The following KIF15 variants were observed in gnomAD, a reference collection of about 807,000 sequenced individuals.
KIF15 encodes kinesin-like protein KIF15.
Under a neutral mutation model 190.6 loss-of-function variants are expected in KIF15, and 140 were observed. That is an observed-to-expected ratio of 0.73 (90% CI 0.64 to 0.84). The LOEUF (loss-of-function observed/expected upper bound fraction) is 0.84. Ranked by LOEUF, KIF15 falls within the 40% of genes least tolerant of loss-of-function variation. KIF15 has a pLI of 0.00. For synonymous variants in KIF15, 528 were observed against 551.3 expected (o/e 0.96, Z 0.59); for missense variants, 1,372 against 1,584.4 (o/e 0.87, Z 2.28).
chr3:44,765,906 C>T (rs1705352653), intron 1 of KIF15: 1 of 154,620 alleles, frequency 6.5e-6, no homozygotes, highest in Non-Finnish European at 1.4e-5. Context: ...GGACTCAGCT[C>T]ACTGCAACCT....
chr3:44,770,562 G>A (rs1705598940), intron 1 of KIF15, among the ~76,000 whole-genome samples: 1 of 152,172 alleles, frequency 6.6e-6, no homozygotes, highest in Non-Finnish European at 1.5e-5. Flanking sequence ...TTCCCAAGGA[G>A]CTTTTATCAG....
At chr3:44,846,315 G>A (rs531575399) in intron 30 of KIF15, among the ~76,000 whole-genome samples, 8 of 152,254 alleles carry the variant, frequency 5.3e-5, no homozygotes, top group Non-Finnish European at 8.8e-5. Flanking sequence ...CTCAAGGACC[G>A]TATTTGTGAC....
intron 20 of KIF15, among the ~76,000 whole-genome samples, chr3:44,822,032 G>A (rs886292286): frequency 5.9e-5 from 9 of 152,366 alleles, no homozygotes; most frequent in African/African-American, 2.2e-4. Flanking sequence ...GCTGAGGCAG[G>A]AGAATCAGGC....
intron 16 of KIF15, among the ~76,000 whole-genome samples, chr3:44,809,280 T>C (rs1432041392): frequency 6.6e-6 from 1 of 152,244 alleles, no homozygotes; most frequent in East Asian, 1.9e-4. Context: ...AGAAAAACTA[T>C]TGTTTTTTTA....
chr3:44,802,047 A>G, intron 13 of KIF15, 73 bp downstream of exon 13: 1 of 1,056,024 alleles, frequency 9.5e-7, no homozygotes, highest in Non-Finnish European at 1.4e-6. Context: ...GTCAGCAAGT[A>G]CTTGTTCTTT....
At chr3:44,792,731 G>A (rs1407608937) in intron 7 of KIF15, among the ~76,000 whole-genome samples, 1 of 151,708 alleles carries the variant, frequency 6.6e-6, no homozygotes, top group Non-Finnish European at 1.5e-5. Context: ...TATTTTTAGC[G>A]GAGACGGGGT....
chr3:44,779,126 C>T (rs953450013), intron 4 of KIF15, among the ~76,000 whole-genome samples: 2 of 149,928 alleles, frequency 1.3e-5, no homozygotes, highest in African/African-American at 4.9e-5. Flanking sequence ...CCTTGTTGTT[C>T]TTGTTGTTCC....
rs141689959 is a variant in KIF15, at chr3:44,858,901, C to T, written c.*59+6107C>T. On this transcript the variant is annotated intron_variant and NMD_transcript_variant, in intron 6 of 6. Transcript: ENST00000422209. ...GTTACCCGAAGCTCGGTGTCCGTGA[C>T]GGTCCAGGGGGCCTCCAAGGCGATC... Among the ~76,000 whole-genome samples, 254 of 152,352 alleles carry T rather than the reference C, an allele frequency of 1.7e-3. 1 individual carries two copies. Among genetic ancestry groups the T allele is most frequent in the African/African-American group, 5.9e-3 (246 of 41,584 alleles).
chr3:44,770,498 C>T (rs1229105566), intron 1 of KIF15, among the ~76,000 whole-genome samples: 1 of 152,130 alleles, frequency 6.6e-6, no homozygotes, highest in South Asian at 2.1e-4. Context: ...TTCTTACTCA[C>T]CGCAGATTAG....
intron 30 of KIF15, among the ~76,000 whole-genome samples, chr3:44,846,605 T>A (rs1698857352): frequency 6.6e-6 from 1 of 151,880 alleles, no homozygotes; most frequent in Non-Finnish European, 1.5e-5. Flanking sequence ...AAACCCTGTC[T>A]CTACTAAAAA....
chr3:44,774,028 A>G (rs1255223010), intron 1 of KIF15, among the ~76,000 whole-genome samples: 1 of 152,200 alleles, frequency 6.6e-6, no homozygotes, highest in African/African-American at 2.4e-5. Context: ...GTTCCACCCC[A>G]TTCTCCCAGT....
intron 20 of KIF15, among the ~76,000 whole-genome samples, chr3:44,817,757 G>GT (rs1371847905): frequency 1.1e-4 from 16 of 152,194 alleles, no homozygotes; most frequent in African/African-American, 3.1e-4. Flanking sequence ...CTTTAAAGTA[G>GT]TTTTTTCCAA....
chr3:44,861,149 G>T (rs1244786987), intron 6 of KIF15, among the ~76,000 whole-genome samples: 1 of 152,048 alleles, frequency 6.6e-6, no homozygotes, highest in Non-Finnish European at 1.5e-5. Context: ...GCACCACCAC[G>T]CCCGGCTAAT....
chr3:44,864,321 CT>C, intron 6 of KIF15: 3 of 1,614,164 alleles, frequency 1.9e-6, no homozygotes, highest in African/African-American at 1.3e-5. Flanking sequence ...GTCACAGTGA[CT>C]TTTTCAAATA....
chr3:44,763,585 C>T (rs1363269251), intron 1 of KIF15, among the ~76,000 whole-genome samples: 1 of 152,132 alleles, frequency 6.6e-6, no homozygotes, highest in African/African-American at 2.4e-5. Context: ...CAGGCATGAG[C>T]CACCACACCC....
chr3:44,866,973 C>T (rs1699329049), intron 6 of KIF15, among the ~76,000 whole-genome samples: 1 of 152,198 alleles, frequency 6.6e-6, no homozygotes, highest in African/African-American at 2.4e-5. Flanking sequence ...AACCCTTGAG[C>T]TCCCATGGGG....
chr3:44,789,749 G>C (rs1706595470), intron 7 of KIF15, among the ~76,000 whole-genome samples: 1 of 145,530 alleles, frequency 6.9e-6, no homozygotes, highest in Non-Finnish European at 1.5e-5. Flanking sequence ...ATCCTTATAG[G>C]TTCTTGGAAA....
chr3:44,777,413 A>G (rs1192991869), intron 3 of KIF15, among the ~76,000 whole-genome samples: 1 of 152,032 alleles, frequency 6.6e-6, no homozygotes, highest in East Asian at 1.9e-4. Context: ...TAAAACGAGG[A>G]CTGGGTGCTG....
rs1353062940 is a variant in KIF15, at chr3:44,802,804, T to C, written c.1510-10T>C. ...AAATATATAATGCGTGTAATTCTTC[T>C]ATGTCACAGATAGAGCACCACCCCA... On this transcript the variant is annotated splice_polypyrimidine_tract_variant and intron_variant, in intron 13 of 34. Transcript: ENST00000326047. 2 of 1,544,532 alleles carry C rather than the reference T, an allele frequency of 1.3e-6. No homozygotes were observed. The highest frequency in any genetic ancestry group is 1.7e-6 in the Non-Finnish European group (2 of 1,152,876).
Sources: gnomAD v4.1 joint callset for allele counts (sites outside exome capture counted in the v4.1 genomes callset) on GRCh38, gnomAD v4.1.1 for gene constraint, MANE v1.5 for transcripts, NCBI Gene and HGNC (gene_info 2026-07-23, HGNC 2026-07-21) for gene names.